Variants in BRD4 observed in about 807,000 individuals in gnomAD.
BRD4 encodes bromodomain containing 4.
In BRD4, 16 loss-of-function variants were observed where a neutral mutation model predicts 142.1. That is an observed-to-expected ratio of 0.11 (90% CI 0.08 to 0.17). BRD4 has a LOEUF of 0.17. Among genes scored for constraint, BRD4 ranks in the 10% least tolerant of loss-of-function variants. The probability of loss-of-function intolerance (pLI) is 1.00; values close to 1 mark genes in which losing one functional copy is unlikely to be tolerated. For missense variants in BRD4, 1,424 were observed against 1,810.9 expected (o/e 0.79, Z 3.88); for synonymous variants, 833 against 707.5 (o/e 1.18, Z -2.82).
chr19:15,242,070 T>G (rs1272114563), intron 14 of BRD4, among the ~76,000 whole-genome samples: 1 of 152,168 alleles, frequency 6.6e-6, no homozygotes, highest in Non-Finnish European at 1.5e-5. Flanking sequence ...TGCCTTGGCC[T>G]CCCAAAGTGC....
intron 1 of BRD4, among the ~76,000 whole-genome samples, chr19:15,277,192 C>T (rs955558852): frequency 2.0e-5 from 3 of 152,176 alleles, no homozygotes; most frequent in South Asian, 4.1e-4. Context: ...AAAAGAATTT[C>T]GCTTATTGTT....
chr19:15,323,861 G>A (rs1251280433), intron 1 of BRD4, among the ~76,000 whole-genome samples: 3 of 152,164 alleles, frequency 2.0e-5, no homozygotes, highest in Admixed American at 2.0e-4. Flanking sequence ...AGCAAAGCCA[G>A]CACTCCTCGG....
At chr19:15,331,852 G>C (rs1343124087) in intron 1 of BRD4, 2 of 146,240 alleles carry the variant, frequency 1.4e-5, no homozygotes, top group Non-Finnish European at 3.0e-5. Context: ...CGGGCGCGCC[G>C]CGGACCCCGC....
Position 15,263,761 on chromosome 19 carries a change from C to T in BRD4, c.1213-213G>A, listed in dbSNP as rs542239323. Among the ~76,000 whole-genome samples the T allele has an allele frequency of 5.9e-5, 9 of 152,294 alleles. No homozygotes were observed. The East Asian group carries it at 1.5e-3, about 26-fold the overall frequency. ...AACATCCCAGCTCACCTGCCTGGCT[C>T]GCAGGCAGGTGGACTCAGAACCCAC... is the stretch of plus-strand genomic sequence containing the variant. On this transcript the variant is annotated intron_variant, in intron 6 of 19. Transcript: ENST00000679869.
intron 1 of BRD4, among the ~76,000 whole-genome samples, chr19:15,282,554 T>G (rs2047713154): frequency 6.6e-6 from 1 of 152,148 alleles, no homozygotes; most frequent in Admixed American, 6.5e-5. Context: ...CACTTCTACC[T>G]GGTAAGTTGG....
intron 1 of BRD4, among the ~76,000 whole-genome samples, chr19:15,297,837 T>TATA (rs954451799): frequency 2.4e-4 from 37 of 152,250 alleles, no homozygotes; most frequent in African/African-American, 8.9e-4. Flanking sequence ...AATGGCAGCA[T>TATA]ATAAGGACCA....
chr19:15,299,098 G>T (rs963392413), intron 1 of BRD4, among the ~76,000 whole-genome samples: 1 of 152,164 alleles, frequency 6.6e-6, no homozygotes, highest in Admixed American at 6.5e-5. Context: ...GGGTGGCTAG[G>T]TATCCCCCAT....
chr19:15,322,974 T>C (rs1196928416), intron 1 of BRD4, among the ~76,000 whole-genome samples: 2 of 151,308 alleles, frequency 1.3e-5, no homozygotes, highest in South Asian at 2.1e-4. Context: ...GGCGTGGACC[T>C]GGGAGGTGGA....
rs1568388009 is a variant in BRD4 at position 15,264,397 on chromosome 19, C to T, written c.1212+7G>A. Reference sequence around the variant, plus strand: ...CTTGTCCCTTCCCTCAGGCACATCCCGCTAACCTTGATTGTGCTCATGTCC... The same window carrying T: ...CTTGTCCCTTCCCTCAGGCACATCCTGCTAACCTTGATTGTGCTCATGTCC... On this transcript the variant is annotated splice_region_variant and intron_variant, in intron 6 of 19. Coordinates refer to ENST00000679869, the MANE Select transcript of BRD4 (RefSeq NM_001379291.1). 5.7e-6 allele frequency: 9 copies of T among 1,588,816 alleles called. No individual in the cohort carries two copies. The East Asian group carries it at 6.7e-5, about 12-fold the overall frequency.
chr19:15,296,817 G>A (rs1214908551), intron 1 of BRD4, among the ~76,000 whole-genome samples: 8 of 152,240 alleles, frequency 5.3e-5, no homozygotes, highest in Non-Finnish European at 1.2e-4. Flanking sequence ...AAGGAGTTGT[G>A]TTGACAGAGA....
Position 15,242,976 on chromosome 19 carries a change from C to A in BRD4, c.3093G>T (p.Pro1031=). ...TGACTTGCTGAGGCTTGGCAGGCTG[C>A]GGCGGGGGTGGCTGCTGGCCTGGGG... ...HPPPGQQPPP[P]QPAKPQQVIQ... is the part of the protein sequence containing the mutation. The change falls in exon 14 of 20, where the codon CCG becomes CCT. Residue 1031 remains proline, a synonymous_variant. Coordinates refer to ENST00000679869, the MANE Select transcript of BRD4 (RefSeq NM_001379291.1). 1 of 977,416 alleles carries A rather than the reference C, an allele frequency of 1.0e-6. No individual in the cohort carries two copies. The highest frequency in any genetic ancestry group is 1.3e-6 in the Non-Finnish European group (1 of 770,432). The allele number at this position is 977,416 out of a possible 1,614,324, so 60.5% of individuals were successfully genotyped here.
In BRD4 at chr19:15,237,267, G is replaced by GGGAA. The variant is rs2047200790; in HGVS notation, c.*1109_*1110insTTCC. 1 of 120,292 alleles carries GGGAA rather than the reference G, an allele frequency of 8.3e-6. No individual in the cohort carries two copies. Among genetic ancestry groups the GGGAA allele is most frequent in the Non-Finnish European group, 1.7e-5 (1 of 60,346 alleles). 7.5% of individuals were successfully genotyped at this position (120,292 alleles called of 1,614,324 possible). ...GGGTGGGGGGGGGGGGGGTGGAGGG[G>GGGAA]AAAGAAAAGAAATTGTAGCTTTCTG... On this transcript the variant is annotated 3_prime_UTR_variant, in exon 20 of 20. Coordinates refer to ENST00000679869, the MANE Select transcript of BRD4 (RefSeq NM_001379291.1).
rs766350015 is a variant in BRD4, at chr19:15,243,494, G to A, written c.2582-7C>T. ...GGTAGTGCGTTGTGCAAAGCTGGAA[G>A]AACACAACACCGAGGCGGTGAGGCC... On this transcript the variant is annotated splice_polypyrimidine_tract_variant and splice_region_variant and intron_variant, in intron 13 of 19. Coordinates refer to ENST00000679869, the MANE Select transcript of BRD4 (RefSeq NM_001379291.1). The A allele has an allele frequency of 5.2e-6, 8 of 1,550,934 alleles. No homozygotes were observed. In the Admixed American group the frequency reaches 1.6e-4, roughly 31 times the overall value.
Position 15,243,014 on chromosome 19 carries a change from G to A in BRD4, c.3055C>T (p.Pro1019Ser), listed in dbSNP as rs777289654. 2.4e-5 allele frequency: 35 copies of A among 1,475,950 alleles called. No individual in the cohort carries two copies. The highest frequency in any genetic ancestry group is 2.8e-5 in the Non-Finnish European group (31 of 1,101,896). The allele number at this position is 1,475,950 out of a possible 1,614,324, so 91.4% of individuals were successfully genotyped here. The change falls in exon 14 of 20, where the codon CCC (proline) becomes TCC (serine). Residue 1019 changes from proline to serine, a missense_variant. This residue lies in a region of BRD4 where 598 missense variants were observed against 647.8 expected (regional missense o/e 0.92). Transcript: ENST00000679869. ...TGCTGGCCTGGGGGCGGATGGGGGG[G>A]CTGCTGGCCCTGGGGTGGCGGGGGC... ...QQPPPPQGQQ[P>S]PHPPPGQQPP...
In BRD4 at chr19:15,243,147, C is replaced by A; in HGVS notation, c.2922G>T (p.Pro974=). ...GGGGCTGGGGTGGTGGGGGTGGTGG[C>A]GGCTGCTGCTGCAGCTGCTGCTGCA... ...PSVQQQLQQQ[P]PPPPPPQPQP... The change falls in exon 14 of 20, where the codon CCG becomes CCT. Residue 974 remains proline, a synonymous_variant. Transcript: ENST00000679869. 2 of 515,154 alleles carry A rather than the reference C, an allele frequency of 3.9e-6. No homozygotes were observed. Among genetic ancestry groups the A allele is most frequent in the Non-Finnish European group, 6.0e-6 (2 of 334,162 alleles). 31.9% of individuals were successfully genotyped at this position (515,154 alleles called of 1,614,324 possible).
In BRD4 at chr19:15,268,992, C is replaced by T. The variant is rs201870875; in HGVS notation, c.336G>A (p.Lys112=). ...TCCAGTAATAGTTGTTTTCCAAGCG[C>T]TTCTTTATTGTTCCCATATCCATAG... ...KTPMDMGTIK[K]RLENNYYWNA... The change falls in exon 3 of 20, where the codon AAG becomes AAA. Residue 112 remains lysine, a synonymous_variant. Transcript: ENST00000679869. The T allele has an allele frequency of 6.2e-7, 1 of 1,614,212 alleles. No individual in the cohort carries two copies. The highest frequency in any genetic ancestry group is 8.5e-7 in the Non-Finnish European group (1 of 1,180,014).
rs962079893 is a variant in BRD4, at chr19:15,310,610, C to G, written c.-35+21680G>C. Among the ~76,000 whole-genome samples, 4 of 151,916 alleles carry G rather than the reference C, an allele frequency of 2.6e-5. No homozygotes were observed. The East Asian group carries it at 7.8e-4, about 30-fold the overall frequency. Reference sequence around the variant, plus strand: ...TCCTGACCTCGTGATCCGCCCGCCTCGGCCTCCCAAAGTACTGGGATTACA... The same window carrying G: ...TCCTGACCTCGTGATCCGCCCGCCTGGGCCTCCCAAAGTACTGGGATTACA... On this transcript the variant is annotated intron_variant, in intron 1 of 19. Coordinates refer to ENST00000679869, the MANE Select transcript of BRD4 (RefSeq NM_001379291.1).
chr19:15,331,521 G>A (rs929241718), intron 1 of BRD4, among the ~76,000 whole-genome samples: 8 of 152,234 alleles, frequency 5.3e-5, no homozygotes, highest in Non-Finnish European at 1.0e-4. Flanking sequence ...CAGGCTGAGA[G>A]TGGGTGCGTC....
chr19:15,292,444 G>A (rs924877706), intron 1 of BRD4, among the ~76,000 whole-genome samples: 1 of 152,194 alleles, frequency 6.6e-6, no homozygotes, highest in African/African-American at 2.4e-5. Context: ...CTGCCTAATA[G>A]GGCATCGTGA....
Sources: gnomAD v4.1 joint callset for allele counts (sites outside exome capture counted in the v4.1 genomes callset) on GRCh38, gnomAD v4.1.1 for gene constraint, gnomAD v4.1.1 regional missense constraint, MANE v1.5 for transcripts, NCBI Gene and HGNC (gene_info 2026-07-23, HGNC 2026-07-21) for gene names.